ZDHHC8: variants seen among roughly 807,000 people sequenced by gnomAD.
ZDHHC8 encodes the protein zDHHC palmitoyltransferase 8.
In ZDHHC8, 24 loss-of-function variants were observed where a neutral mutation model predicts 61.2. That is an observed-to-expected ratio of 0.39 (90% CI 0.28 to 0.55). ZDHHC8 has a LOEUF of 0.55. Ranked by LOEUF, ZDHHC8 falls within the 20% of genes least tolerant of loss-of-function variation. The probability of loss-of-function intolerance (pLI) is 0.60; values close to 1 mark genes in which losing one functional copy is unlikely to be tolerated. For missense variants in ZDHHC8, 935 were observed against 1,102.1 expected, an observed-to-expected ratio of 0.85 and a Z score of 2.15; for synonymous variants, 523 against 492.5, an observed-to-expected ratio of 1.06 and a Z score of -0.82.
At position 20,147,269 on chromosome 22, in the gene ZDHHC8, C is replaced by G; in HGVS notation, c.*1869C>G. The G allele has an allele frequency of 7.1e-7, 1 of 1,407,164 alleles. No individual in the cohort carries two copies. Among genetic ancestry groups the G allele is most frequent in the Non-Finnish European group, 9.3e-7 (1 of 1,079,190 alleles). 87.2% of individuals were successfully genotyped at this position (1,407,164 alleles called of 1,614,324 possible). ...TAGGCGGCTCTGGGGCCCAGGACAGCCCAGCTGGGGACCCAGGAGGTCAGA... is the reference window on the plus strand; with the variant it reads ...TAGGCGGCTCTGGGGCCCAGGACAGGCCAGCTGGGGACCCAGGAGGTCAGA... On this transcript the variant is annotated 3_prime_UTR_variant, in exon 11 of 11. Transcript: ENST00000334554.
intron 4 of ZDHHC8, 104 bp downstream of exon 4, chr22:20,139,996 C>G (rs973772140): frequency 6.3e-7 from 1 of 1,587,884 alleles, no homozygotes; most frequent in African/African-American, 1.3e-5. Flanking sequence ...CCCAGGGATC[C>G]CCAGTGGGCA....
At position 20,145,510 on chromosome 22, in the gene ZDHHC8, G is replaced by GGT. The variant is rs551162910; in HGVS notation, c.*114_*115dup. 1.3e-4 allele frequency: 172 copies of GGT among 1,336,170 alleles called. No individual in the cohort carries two copies. In the African/African-American group the frequency reaches 2.4e-3, roughly 19 times the overall value. 82.8% of individuals were successfully genotyped at this position (1,336,170 alleles called of 1,614,324 possible). On this transcript the variant is annotated 3_prime_UTR_variant, in exon 11 of 11. Coordinates refer to ENST00000334554, the MANE Select transcript of ZDHHC8 (RefSeq NM_013373.4). ...CAGGGACCCGAGGCCACCCCAGCCT[G>GGT]GTGTGGACCCATCGGCGGGAGAGAG...
In ZDHHC8 at chr22:20,139,703, G is replaced by A; in HGVS notation, c.385-17G>A. The A allele has an allele frequency of 7.4e-6, 12 of 1,611,782 alleles. No homozygotes were observed. The highest frequency in any genetic ancestry group is 6.8e-6 in the Non-Finnish European group (8 of 1,179,908). Reference sequence around the variant, plus strand: ...ATCCCTGCCTGCCATGTGCCCTGATGCACTGCTCCCGCCCAGGACTTTGAC... The same window carrying A: ...ATCCCTGCCTGCCATGTGCCCTGATACACTGCTCCCGCCCAGGACTTTGAC... On this transcript the variant is annotated splice_polypyrimidine_tract_variant and intron_variant, in intron 3 of 10. Coordinates refer to ENST00000334554, the MANE Select transcript of ZDHHC8 (RefSeq NM_013373.4).
At position 20,147,181 on chromosome 22, in the gene ZDHHC8, C is replaced by T. The variant is rs1220182431; in HGVS notation, c.*1781C>T. 10 of 1,521,208 alleles carry T rather than the reference C, an allele frequency of 6.6e-6. No individual in the cohort carries two copies. The highest frequency in any genetic ancestry group is 2.8e-5 in the African/African-American group (2 of 71,114). The allele number at this position is 1,521,208 out of a possible 1,614,324, so 94.2% of individuals were successfully genotyped here. A position where few individuals can be genotyped will look rare whatever the true frequency, so the allele number is the denominator to read the frequency against. On this transcript the variant is annotated 3_prime_UTR_variant, in exon 11 of 11. Coordinates refer to ENST00000334554, the MANE Select transcript of ZDHHC8 (RefSeq NM_013373.4). Reference sequence around the variant, plus strand: ...GGCACCCCCACGCGGGGCCATGTGCCGCCTGCACTTGGCTGCCTCCAGTCT... The same window carrying T: ...GGCACCCCCACGCGGGGCCATGTGCTGCCTGCACTTGGCTGCCTCCAGTCT...
Position 20,146,301 on chromosome 22 carries a change from G to A in ZDHHC8, c.*901G>A, listed in dbSNP as rs565683862. ...CCGGCCTGGCTGCGGTGCTCGCGCC[G>A]TGGGAAAGCACACTGGGGAGGGGTC... On this transcript the variant is annotated 3_prime_UTR_variant, in exon 11 of 11. Transcript: ENST00000334554. The A allele has an allele frequency of 4.8e-4, 469 of 985,658 alleles. 1 individual carries two copies. Among genetic ancestry groups the A allele is most frequent in the South Asian group, 4.2e-3 (89 of 21,288 alleles). 61.1% of individuals were successfully genotyped at this position (985,658 alleles called of 1,614,324 possible).
At chr22:20,132,895 G>A (rs2050389311) in intron 1 of ZDHHC8, among the ~76,000 whole-genome samples, 1 of 152,248 alleles carries the variant, frequency 6.6e-6, no homozygotes, top group Admixed American at 6.5e-5. Context: ...GGCTTCGGTT[G>A]CACAGATCTT....
chr22:20,139,875 C>T lies in ZDHHC8; in HGVS notation c.540C>T (p.Ala180=), dbSNP rs531244215. Residue 180 remains alanine (A), a synonymous_variant, in exon 4 of 11, where the codon GCC becomes GCT. Transcript: ENST00000334554. ...TGAACCACGCTGAGGGGCTGGGAGC[C>T]GCGCACACCACCATCACGTATCCTT... The part of the protein sequence containing the change: ...YVLNHAEGLG[A]AHTTITMAVM... 33 of 1,612,360 alleles carry T rather than the reference C, an allele frequency of 2.0e-5. No homozygotes were observed. In the South Asian group the frequency reaches 2.4e-4, roughly 12 times the overall value.
chr22:20,141,556 G>T, intron 9 of ZDHHC8, 26 bp downstream of exon 9: 3 of 1,579,384 alleles, frequency 1.9e-6, no homozygotes, highest in Non-Finnish European at 2.6e-6. Context: ...CTGCCCCCTG[G>T]CAGGCCTCGT....
chr22:20,145,596 G>C lies in ZDHHC8; in HGVS notation c.*196G>C. Reference sequence around the variant, plus strand: ...CTGCCCGTCCACTCATCTGCCCATGGGGAAGTCGGCTCACTGGGACAAGGG... The same window carrying C: ...CTGCCCGTCCACTCATCTGCCCATGCGGAAGTCGGCTCACTGGGACAAGGG... On this transcript the variant is annotated 3_prime_UTR_variant, in exon 11 of 11. Transcript: ENST00000334554. The C allele has an allele frequency of 1.6e-6, 2 of 1,247,370 alleles. No homozygotes were observed. Among genetic ancestry groups the C allele is most frequent in the Non-Finnish European group, 2.0e-6 (2 of 993,790 alleles). 77.3% of individuals were successfully genotyped at this position (1,247,370 alleles called of 1,614,324 possible).
Position 20,143,415 on chromosome 22 carries a change from G to A in ZDHHC8, c.1785G>A (p.Glu595=). Residue 595 remains glutamate (E), a synonymous_variant, in exon 10 of 11, where the codon GAG becomes GAA. Transcript: ENST00000334554. ...TGCAGCAGGCCAGTGTGCTGTCCGA[G>A]GGCCCCCGAGGTCCCGCGCTGCGCT... The part of the protein sequence containing the change: ...YSLQQASVLS[E]GPRGPALRYG... 1 of 1,594,498 alleles carries A rather than the reference G, an allele frequency of 6.3e-7. No individual in the cohort carries two copies. Among genetic ancestry groups the A allele is most frequent in the Non-Finnish European group, 8.5e-7 (1 of 1,175,632 alleles).
intron 1 of ZDHHC8, among the ~76,000 whole-genome samples, chr22:20,132,753 C>G (rs1186026039): frequency 6.6e-6 from 1 of 152,248 alleles, no homozygotes; most frequent in Non-Finnish European, 1.5e-5. Context: ...CTGGGCCCCT[C>G]CAGCCTCAAC....
intron 1 of ZDHHC8, among the ~76,000 whole-genome samples, chr22:20,136,130 C>G (rs959485837): frequency 7.9e-5 from 12 of 152,204 alleles, no homozygotes; most frequent in Admixed American, 3.3e-4. Flanking sequence ...TGCCCTCCAC[C>G]CGTAGCTTGG....
At position 20,147,356 on chromosome 22, in the gene ZDHHC8, C is replaced by A. The variant is rs2050537882; in HGVS notation, c.*1956C>A. ...GGGCTCTCTGCTCCACCAGCCACAG[C>A]TTGACAGATTCCCAGCCTGCCAGGG... On this transcript the variant is annotated 3_prime_UTR_variant, in exon 11 of 11. Transcript: ENST00000334554. The A allele has an allele frequency of 1.0e-6, 1 of 999,294 alleles. No homozygotes were observed. The highest frequency in any genetic ancestry group is 1.4e-6 in the Non-Finnish European group (1 of 725,500). The allele number at this position is 999,294 out of a possible 1,614,324, so 61.9% of individuals were successfully genotyped here.
chr22:20,140,480 A>C (rs2050458624), intron 5 of ZDHHC8, 137 bp from the exon 6 acceptor site: 11 of 962,512 alleles, frequency 1.1e-5, no homozygotes, highest in Admixed American at 2.9e-5. Context: ...TGTGAGGGGC[A>C]GCCCTGGGCT....
chr22:20,133,143 G>A (rs1461895829), intron 1 of ZDHHC8, among the ~76,000 whole-genome samples: 1 of 152,232 alleles, frequency 6.6e-6, no homozygotes, highest in Non-Finnish European at 1.5e-5. Flanking sequence ...GGGCTGGGTG[G>A]GCACCGCAGG....
At position 20,140,917 on chromosome 22, in the gene ZDHHC8, C is replaced by A; in HGVS notation, c.799C>A (p.Pro267Thr). The A allele has an allele frequency of 1.9e-6, 3 of 1,607,644 alleles. No homozygotes were observed. Among genetic ancestry groups the A allele is most frequent in the Non-Finnish European group, 2.5e-6 (3 of 1,179,970 alleles). Residue 267 changes from proline (P) to threonine (T), a missense_variant, in exon 7 of 11, where the codon CCG (proline) becomes ACG (threonine). Pro to Thr is a conservative substitution (Grantham distance 38). Transcript: ENST00000334554. ...GCTGCCGCTCGCGGTGAGTTTGAAG[C>A]CGCCTTTCCTTAGGCCTGAACTCCT... ...PRLPLAVSLKPPFLRPELLDR... is the reference protein window; with the variant it reads ...PRLPLAVSLKTPFLRPELLDR...
Position 20,143,389 on chromosome 22 carries a change from C to G in ZDHHC8, c.1759C>G (p.Leu587Val). The G allele has an allele frequency of 1.3e-6, 2 of 1,586,500 alleles. No homozygotes were observed. Among genetic ancestry groups the G allele is most frequent in the South Asian group, 1.1e-5 (1 of 88,798 alleles). ...GVYDAPSSYS[L>V]QQASVLSEGP... The stretch of plus-strand genomic sequence containing the variant: ...CTATGACGCTCCCAGCTCCTACAGC[C>G]TGCAGCAGGCCAGTGTGCTGTCCGA... The change falls in exon 10 of 11, where the codon CTG becomes GTG. Residue 587 changes from leucine to valine, a missense_variant. Leu to Val is a conservative substitution (Grantham distance 32, BLOSUM62 1). Transcript: ENST00000334554.
chr22:20,143,180 C>A lies in ZDHHC8; in HGVS notation c.1550C>A (p.Pro517Gln). The change falls in exon 10 of 11, where the codon CCG (proline) becomes CAG (glutamine). Residue 517 changes from proline (P) to glutamine (Q), a missense_variant. Pro to Gln is a moderately conservative substitution (Grantham distance 76). Around this residue, in one of 3 missense-constraint regions of ZDHHC8, gnomAD observed 692 missense variants for 731.4 expected, o/e 0.95. Coordinates refer to ENST00000334554, the MANE Select transcript of ZDHHC8 (RefSeq NM_013373.4). ...PYLHPGATGD[P>Q]PRPLPRSFSP... is the part of the protein sequence containing the mutation. ...CTGCATCCTGGGGCAACGGGCGACC[C>A]GCCACGGCCCCTACCCCGCAGCTTC... 1 of 1,610,162 alleles carries A rather than the reference C, an allele frequency of 6.2e-7. No individual in the cohort carries two copies. Among genetic ancestry groups the A allele is most frequent in the Non-Finnish European group, 8.5e-7 (1 of 1,179,596 alleles).
Position 20,142,971 on chromosome 22 carries a change from C to A in ZDHHC8, c.1341C>A (p.Ala447=). Residue 447 remains alanine, a synonymous_variant, in exon 10 of 11, where the codon GCC becomes GCA. Transcript: ENST00000334554. ...ASSRRGGDHV[A]LQPLRSEGGP... is the part of the protein sequence containing the mutation. ...GCCGGCGGGGCGGGGATCATGTGGC[C>A]CTGCAGCCCCTGCGCTCTGAGGGGG... 1 of 1,603,110 alleles carries A rather than the reference C, an allele frequency of 6.2e-7. No individual in the cohort carries two copies. The highest frequency in any genetic ancestry group is 8.5e-7 in the Non-Finnish European group (1 of 1,173,634).
Sources: gnomAD v4.1 joint callset for allele counts (sites outside exome capture counted in the v4.1 genomes callset) on GRCh38, gnomAD v4.1.1 for gene constraint, gnomAD v4.1.1 regional missense constraint, MANE v1.5 for transcripts, NCBI Gene and HGNC (gene_info 2026-07-23, HGNC 2026-07-21) for gene names.